The following N4BP2L2 variants were observed in gnomAD, a reference collection of about 807,000 sequenced individuals.
The protein encoded by N4BP2L2 is NEDD4 binding protein 2 like 2, also known as NEDD4-binding protein 2-like 2.
In N4BP2L2, 50 loss-of-function variants were observed where a neutral mutation model predicts 56.2. That is an observed-to-expected ratio of 0.89 (90% confidence interval 0.71 to 1.13). The LOEUF is 1.13. N4BP2L2 is among the 50% of genes most tolerant of loss of function. The probability of loss-of-function intolerance (pLI) is 0.00; values close to 1 mark genes in which losing one functional copy is unlikely to be tolerated. For missense variants in N4BP2L2, 689 were observed against 693.8 expected (o/e 0.99, Z 0.08); for synonymous variants, 203 against 223.6 (o/e 0.91, Z 0.82).
At chr13:32,445,287 T>C (rs2076888509) in intron 6 of N4BP2L2, among the ~76,000 whole-genome samples, 1 of 150,888 alleles carries the variant, frequency 6.6e-6, no homozygotes, top group Non-Finnish European at 1.5e-5. Flanking sequence ...TAAAAACATA[T>C]CTGAACTTAG....
At chr13:32,521,227 A>G in intron 5 of N4BP2L2, 146 bp downstream of exon 5, 2 of 648,818 alleles carry the variant, frequency 3.1e-6, no homozygotes, top group South Asian at 2.0e-5. Flanking sequence ...GAAGTGGCCT[A>G]GCCAAAAACC....
downstream of N4BP2L2, among the ~76,000 whole-genome samples, chr13:32,509,784 G>C (rs1455361377): frequency 6.6e-6 from 1 of 152,076 alleles, no homozygotes; most frequent in Non-Finnish European, 1.5e-5. Context: ...TAAAACCAAT[G>C]ACATTTCTTT....
At chr13:32,460,026 C>T (rs1307718788) in intron 6 of N4BP2L2, among the ~76,000 whole-genome samples, 5 of 152,124 alleles carry the variant, frequency 3.3e-5, no homozygotes, top group Admixed American at 3.3e-4. Context: ...AAACATGACA[C>T]ATCACATCGA....
At chr13:32,442,370 CAAA>C in intron 7 of N4BP2L2, 1 of 1,529,854 alleles carries the variant, frequency 6.5e-7, no homozygotes, top group Non-Finnish European at 8.8e-7. Flanking sequence ...TTACTTTTAG[CAAA>C]AGAAAACAAC....
chr13:32,508,784 A>C (rs1016232817), downstream of N4BP2L2: 1 of 152,214 alleles, frequency 6.6e-6, no homozygotes, highest in African/African-American at 2.4e-5. Context: ...TTCTTTTTTT[A>C]AGTTACACGT....
Position 32,487,412 on chromosome 13 carries a change from G to A in N4BP2L2, c.365+30445C>T, listed in dbSNP as rs1388841882. Among the ~76,000 whole-genome samples the A allele has an allele frequency of 2.0e-5, 3 of 151,408 alleles. No individual in the cohort carries two copies. In the East Asian group the frequency reaches 5.8e-4, roughly 29 times the overall value. ...GATCACCTGAGCCCAGGGAGGTTGA[G>A]GCTGCAATGAGCCGTGACCGCACCA... On this transcript the variant is annotated intron_variant, in intron 6 of 9. Coordinates refer to the N4BP2L2 transcript ENST00000357505.
At chr13:32,442,120 C>T (rs2076485901) in intron 7 of N4BP2L2, among the ~76,000 whole-genome samples, 1 of 152,134 alleles carries the variant, frequency 6.6e-6, no homozygotes, top group South Asian at 2.1e-4. Context: ...CTGCTTCATC[C>T]TCCATTCTTC....
intron 6 of N4BP2L2, among the ~76,000 whole-genome samples, chr13:32,447,863 C>G (rs573394681): frequency 6.6e-6 from 1 of 152,196 alleles, no homozygotes; most frequent in South Asian, 2.1e-4. Flanking sequence ...TAACAACCCA[C>G]TATGCCTGCA....
At chr13:32,464,901 T>C (rs2080939094) in intron 6 of N4BP2L2, among the ~76,000 whole-genome samples, 1 of 152,032 alleles carries the variant, frequency 6.6e-6, no homozygotes, top group South Asian at 2.1e-4. Context: ...TAAAATTTCA[T>C]GTCTGCCAGA....
chr13:32,511,650 G>C (rs1337909175), exon 6 of N4BP2L2: 1 of 152,096 alleles, frequency 6.6e-6, no homozygotes, highest in Non-Finnish European at 1.5e-5. Flanking sequence ...GGCTGAGAAG[G>C]AACAATGAGT....
intron 7 of N4BP2L2, among the ~76,000 whole-genome samples, chr13:32,439,853 A>G (rs9567723): frequency 5.4e-5 from 5 of 92,386 alleles, no homozygotes; most frequent in Non-Finnish European, 1.0e-4. Flanking sequence ...TCTATTAAGA[A>G]TCCAAAAAAA....
At chr13:32,529,867 AG>A (rs1425356742) in intron 2 of N4BP2L2, among the ~76,000 whole-genome samples, 1 of 151,978 alleles carries the variant, frequency 6.6e-6, no homozygotes, top group Non-Finnish European at 1.5e-5. Context: ...CTGTGACTAC[AG>A]GCACGTGCCA....
At chr13:32,488,807 A>C (rs2086448876) in intron 6 of N4BP2L2, among the ~76,000 whole-genome samples, 1 of 152,254 alleles carries the variant, frequency 6.6e-6, no homozygotes, top group African/African-American at 2.4e-5. Flanking sequence ...TTCAGTAAAG[A>C]AATTAGGCAA....
At chr13:32,449,645 G>T (rs188845996) in intron 6 of N4BP2L2, among the ~76,000 whole-genome samples, 6 of 152,132 alleles carry the variant, frequency 3.9e-5, no homozygotes, top group African/African-American at 1.4e-4. Context: ...AGAGACGAGG[G>T]CTTTAATTAT....
At chr13:32,443,914 A>G (rs751776439) in exon 7 of N4BP2L2, 10 of 1,579,648 alleles carry the variant, frequency 6.3e-6, no homozygotes, top group Middle Eastern at 3.4e-4. Flanking sequence ...TAGACCATCA[A>G]TGAAGGGATA....
chr13:32,445,475 T>A (rs1006741726), intron 6 of N4BP2L2, among the ~76,000 whole-genome samples: 2 of 152,224 alleles, frequency 1.3e-5, no homozygotes, highest in Non-Finnish European at 2.9e-5. Flanking sequence ...TGTTTCAGAA[T>A]GGGACAAATT....
chr13:32,518,089 T>C (rs1056680386), intron 5 of N4BP2L2, 86 bp from the exon 6 acceptor site: 2 of 1,198,710 alleles, frequency 1.7e-6, no homozygotes, highest in African/African-American at 3.1e-5. Context: ...AGCACACAAA[T>C]TCTAAATAAT....
chr13:32,491,884 C>T (rs1235926224), intron 6 of N4BP2L2, among the ~76,000 whole-genome samples: 1 of 151,992 alleles, frequency 6.6e-6, no homozygotes, highest in African/African-American at 2.4e-5. Context: ...CCCGCTTCGG[C>T]GTCCCAAAGT....
intron 6 of N4BP2L2, among the ~76,000 whole-genome samples, chr13:32,482,288 T>G (rs1466370977): frequency 6.6e-6 from 1 of 152,234 alleles, no homozygotes; most frequent in Non-Finnish European, 1.5e-5. Context: ...ATATATTTAT[T>G]TTAGCTGACT....
Sources: allele counts gnomAD v4.1 joint callset (sites outside exome capture counted in the v4.1 genomes callset), GRCh38; gene constraint gnomAD v4.1.1; transcripts MANE v1.5; gene names NCBI Gene and HGNC (gene_info 2026-07-23, HGNC 2026-07-21).